The following SPATA6 variants were observed in gnomAD, a reference collection of about 807,000 sequenced individuals.
SPATA6 encodes spermatogenesis-associated protein 6.
Under a neutral mutation model 65.3 loss-of-function variants are expected in SPATA6, and 56 were observed. The observed-to-expected ratio is 0.86, with a 90% CI of 0.69 to 1.07. The LOEUF (loss-of-function observed/expected upper bound fraction) is 1.07. SPATA6 is among the 50% of genes least tolerant of loss of function. The pLI is 0.00. For synonymous variants in SPATA6, 199 were observed against 213.2 expected, an observed-to-expected ratio of 0.93 and a Z score of 0.58; for missense variants, 590 against 594.8, an observed-to-expected ratio of 0.99 and a Z score of 0.08.
At chr1:48,290,555 T>C (rs996427127), downstream of SPATA6, among the ~76,000 whole-genome samples, 8 of 152,104 alleles carry the variant, frequency 5.3e-5, no homozygotes, top group East Asian at 3.9e-4. Flanking sequence ...GACTGGCAAA[T>C]TGGATAAAGA....
At chr1:48,265,971 T>C in the SPATA6 span, among the ~76,000 whole-genome samples, 1 of 152,222 alleles carries the variant, frequency 6.6e-6, no homozygotes, top group African/African-American at 2.4e-5. Flanking sequence ...TTTCCAATTA[T>C]GCATGGTGAG....
chr1:48,447,643 T>C (rs535558839), intron 3 of SPATA6, among the ~76,000 whole-genome samples: 3 of 152,300 alleles, frequency 2.0e-5, no homozygotes, highest in South Asian at 2.1e-4. Context: ...CTCAAGATCA[T>C]AGGATAGGCC....
At chr1:48,417,086 G>C (rs1471287955) in intron 3 of SPATA6, among the ~76,000 whole-genome samples, 2 of 152,078 alleles carry the variant, frequency 1.3e-5, no homozygotes, top group Non-Finnish European at 2.9e-5. Flanking sequence ...TTTTACTGGA[G>C]TTCTGAGCCA....
intron 11 of SPATA6, among the ~76,000 whole-genome samples, chr1:48,315,861 T>C (rs1023437976): frequency 3.9e-5 from 6 of 152,146 alleles, no homozygotes; most frequent in African/African-American, 1.4e-4. Context: ...ACAAAATCAA[T>C]GTGAAAAAAT....
At chr1:48,457,744 TAAAG>T (rs1657119942) in intron 1 of SPATA6, among the ~76,000 whole-genome samples, 8 of 152,042 alleles carry the variant, frequency 5.3e-5, no homozygotes, top group Non-Finnish European at 1.0e-4. Context: ...CAAAAATACT[TAAAG>T]AGAATCTTTC....
intron 11 of SPATA6, among the ~76,000 whole-genome samples, chr1:48,321,790 G>C (rs1645606282): frequency 6.6e-6 from 1 of 151,966 alleles, no homozygotes; most frequent in Non-Finnish European, 1.5e-5. Flanking sequence ...GTCTTAAAAA[G>C]TTGAAATTAT....
At chr1:48,365,891 C>T (rs890599159) in intron 9 of SPATA6, among the ~76,000 whole-genome samples, 1 of 151,972 alleles carries the variant, frequency 6.6e-6, no homozygotes, top group African/African-American at 2.4e-5. Context: ...AGGGAATGTT[C>T]CCAGTTTTTG....
chr1:48,285,911 C>A, the SPATA6 span, among the ~76,000 whole-genome samples: 27 of 152,268 alleles, frequency 1.8e-4, no homozygotes, highest in South Asian at 5.4e-3. Context: ...CCCCCAACAT[C>A]TTTTTTTGAG....
intron 1 of SPATA6, among the ~76,000 whole-genome samples, chr1:48,462,261 G>A (rs999078584): frequency 6.6e-6 from 1 of 152,042 alleles, no homozygotes; most frequent in Non-Finnish European, 1.5e-5. Flanking sequence ...GAGTTAATGG[G>A]TGCAGCACAC....
Position 48,312,523 on chromosome 1 carries a change from C to T in SPATA6, c.1195-6645G>A, listed in dbSNP as rs1331313326. On this transcript the variant is annotated intron_variant, in intron 11 of 12. Coordinates refer to ENST00000371847, the MANE Select transcript of SPATA6 (RefSeq NM_019073.4). ...AAGGAAAACTAACAAAAAGAAAGGA[C>T]ACCCAAACCAAAAACCCATCTGTAC... 2.0e-5 allele frequency among the ~76,000 whole-genome samples: 3 copies of T among 152,130 alleles called. No homozygotes were observed. The East Asian group carries it at 5.8e-4, about 29-fold the overall frequency.
intron 5 of SPATA6, among the ~76,000 whole-genome samples, chr1:48,407,704 T>C (rs1489490700): frequency 2.0e-5 from 3 of 152,232 alleles, no homozygotes; most frequent in Admixed American, 2.0e-4. Flanking sequence ...GTTTCCAGTA[T>C]CCTGAATTCA....
intron 3 of SPATA6, among the ~76,000 whole-genome samples, chr1:48,435,760 G>A (rs1304495502): frequency 6.6e-6 from 1 of 152,056 alleles, no homozygotes; most frequent in Admixed American, 6.6e-5. Flanking sequence ...CCCCGCACCG[G>A]GAGCGGGCCT....
chr1:48,444,748 C>A (rs545703497), intron 3 of SPATA6, among the ~76,000 whole-genome samples: 2 of 152,258 alleles, frequency 1.3e-5, no homozygotes, highest in Admixed American at 6.5e-5. Flanking sequence ...CTCACTCTTT[C>A]GGTCCGTGCC....
chr1:48,302,977 G>C (rs11809754), intron 12 of SPATA6, among the ~76,000 whole-genome samples: 5,371 of 151,962 alleles, frequency 0.035, 314 homozygotes, highest in African/African-American at 0.12. Flanking sequence ...CATATAGTTA[G>C]TTATTTCTGG....
intron 9 of SPATA6, among the ~76,000 whole-genome samples, chr1:48,369,168 A>G (rs1268966535): frequency 6.6e-6 from 1 of 152,132 alleles, no homozygotes; most frequent in Non-Finnish European, 1.5e-5. Context: ...GTCTCAGAGG[A>G]GTACCCGGCC....
chr1:48,268,337 T>C, the SPATA6 span, among the ~76,000 whole-genome samples: 1 of 151,944 alleles, frequency 6.6e-6, no homozygotes, highest in Admixed American at 6.6e-5. Flanking sequence ...TGTGTGTTTG[T>C]GTGTGTGTAT....
At chr1:48,436,606 C>CA (rs1654961205) in intron 3 of SPATA6, 1 of 1,613,664 alleles carries the variant, frequency 6.2e-7, no homozygotes, top group Admixed American at 1.7e-5. Context: ...TAAGCATGGA[C>CA]AGAGGCATAG....
intron 3 of SPATA6, among the ~76,000 whole-genome samples, chr1:48,430,920 T>C (rs1654342906): frequency 6.6e-6 from 1 of 152,106 alleles, no homozygotes; most frequent in African/African-American, 2.4e-5. Context: ...TAAGTCTCTA[T>C]CAGTAATTAC....
intron 5 of SPATA6, among the ~76,000 whole-genome samples, chr1:48,408,901 G>A (rs118054680): frequency 6.6e-6 from 1 of 152,294 alleles, no homozygotes; most frequent in East Asian, 1.9e-4. Flanking sequence ...TAGCACATGA[G>A]AATTATGGGA....
Sources: gnomAD v4.1 joint callset for allele counts (sites outside exome capture counted in the v4.1 genomes callset) on GRCh38, gnomAD v4.1.1 for gene constraint, MANE v1.5 for transcripts, NCBI Gene and HGNC (gene_info 2026-07-23, HGNC 2026-07-21) for gene names.